ANKFN1: variants seen among roughly 807,000 people sequenced by gnomAD.
ANKFN1 encodes ankyrin repeat and fibronectin type-III domain-containing protein 1.
A neutral mutation model predicts 108.7 loss-of-function variants in ANKFN1; 74 were observed. The ratio of observed to expected loss-of-function variants is 0.68; its 90% CI spans 0.56 to 0.83. The LOEUF (loss-of-function observed/expected upper bound fraction) is 0.83, where lower values mean the gene tolerates loss of function less well. Among genes scored for constraint, ANKFN1 ranks in the 40% least tolerant of loss-of-function variants. The pLI is 0.00. For missense variants in ANKFN1, 1,505 were observed against 1,382.3 expected, an observed-to-expected ratio of 1.09 and a Z score of -1.41; for synonymous variants, 547 against 516.2, an observed-to-expected ratio of 1.06 and a Z score of -0.81.
chr17:56,455,982 A>G (rs2049679267), intron 11 of ANKFN1, among the ~76,000 whole-genome samples: 1 of 152,226 alleles, frequency 6.6e-6, no homozygotes, highest in Admixed American at 6.5e-5. Flanking sequence ...AACATACACA[A>G]TGAAGAAAAA....
chr17:56,182,005 T>G (rs79273177), intron 1 of ANKFN1, among the ~76,000 whole-genome samples: 4,214 of 152,260 alleles, frequency 0.028, 212 homozygotes, highest in African/African-American at 0.096. Context: ...GTCATTGTTT[T>G]GGGGCATCAC....
intron 4 of ANKFN1, among the ~76,000 whole-genome samples, chr17:56,134,700 T>C (rs973083800): frequency 4.6e-5 from 7 of 152,186 alleles, no homozygotes; most frequent in African/African-American, 1.4e-4. Context: ...TAAAGAATTG[T>C]AGACAGAAAA....
intron 3 of ANKFN1, among the ~76,000 whole-genome samples, chr17:56,300,146 A>G (rs2044632021): frequency 6.6e-6 from 1 of 152,172 alleles, no homozygotes; most frequent in Non-Finnish European, 1.5e-5. Flanking sequence ...CTGCCTGGGT[A>G]CAAGGAAAAC....
intron 20 of ANKFN1, among the ~76,000 whole-genome samples, chr17:56,508,487 TATA>T (rs1315784147): frequency 4.6e-5 from 7 of 152,210 alleles, no homozygotes; most frequent in African/African-American, 1.7e-4. Context: ...ATACAACTCA[TATA>T]ATATCAAAAC....
chr17:56,307,496 A>G (rs2044866534), intron 3 of ANKFN1, among the ~76,000 whole-genome samples: 1 of 152,268 alleles, frequency 6.6e-6, no homozygotes, highest in Non-Finnish European at 1.5e-5. Flanking sequence ...ATCACTGGCC[A>G]TCAGAGAAAT....
At chr17:56,321,692 C>A (rs751663647) in intron 3 of ANKFN1, among the ~76,000 whole-genome samples, 1 of 152,150 alleles carries the variant, frequency 6.6e-6, no homozygotes, top group Non-Finnish European at 1.5e-5. Flanking sequence ...CCTAATTTTG[C>A]AAGTATTCTG....
intron 13 of ANKFN1, 121 bp from the exon 14 acceptor site, chr17:56,457,742 A>G: frequency 5.3e-6 from 4 of 747,726 alleles, no homozygotes; most frequent in Non-Finnish European, 9.1e-6. Flanking sequence ...TGTGTGTCTG[A>G]AAATGGACTG....
chr17:56,311,856 A>G (rs2045037261), intron 3 of ANKFN1, among the ~76,000 whole-genome samples: 1 of 152,244 alleles, frequency 6.6e-6, no homozygotes, highest in South Asian at 2.1e-4. Flanking sequence ...AAAAAATCCA[A>G]AATCTGAAAC....
intron 20 of ANKFN1, among the ~76,000 whole-genome samples, chr17:56,503,486 C>CATATATAT (rs3052391): frequency 0.014 from 1,136 of 81,318 alleles, 49 homozygotes; most frequent in African/African-American, 0.038. Context: ...GCACAAATTT[C>CATATATAT]ATATATATAT....
intron 3 of ANKFN1, among the ~76,000 whole-genome samples, chr17:56,308,838 C>T (rs1047581137): frequency 4.6e-5 from 7 of 152,016 alleles, no homozygotes; most frequent in South Asian, 2.1e-4. Flanking sequence ...TGTGAGTTTG[C>T]GCCTTTTATC....
Position 56,477,610 on chromosome 17 carries a change from C to A in ANKFN1, c.1896C>A (p.Asn632Lys). 6.2e-7 allele frequency: 1 copy of A among 1,613,860 alleles called. No homozygotes were observed. The highest frequency in any genetic ancestry group is 8.5e-7 in the Non-Finnish European group (1 of 1,179,890). The change falls in exon 16 of 21, where the codon AAC becomes AAA. Residue 632 changes from asparagine to lysine, a missense_variant. Physicochemically the swap from Asn to Lys is moderately conservative, Grantham distance 94 (BLOSUM62 0). Transcript: ENST00000682825. Reference protein sequence around the residue: ...IKVLVTQKLPNILCHVKIREN... With the variant: ...IKVLVTQKLPKILCHVKIREN... ...TTCTTGTTACCCAAAAGTTGCCCAA[C>A]ATTCTCTGCCACGTGAAGATCCGTG...
chr17:56,167,001 TA>T (rs1910181141), intron 1 of ANKFN1, among the ~76,000 whole-genome samples: 2 of 151,946 alleles, frequency 1.3e-5, no homozygotes, highest in Admixed American at 1.3e-4. Flanking sequence ...ACCCAGCCCC[TA>T]GTGCTGTGCC....
chr17:56,220,941 AAGAC>A (rs1246418955), intron 2 of ANKFN1, among the ~76,000 whole-genome samples: 1 of 151,678 alleles, frequency 6.6e-6, no homozygotes, highest in Non-Finnish European at 1.5e-5. Flanking sequence ...GAACGAAAGA[AAGAC>A]AGACCTGAGA....
At chr17:56,144,180 A>C (rs1282841770) in intron 4 of ANKFN1, among the ~76,000 whole-genome samples, 4 of 123,956 alleles carry the variant, frequency 3.2e-5, no homozygotes, top group East Asian at 2.9e-4. Flanking sequence ...AAAAAAAAAA[A>C]AAAAACAGCC....
chr17:56,164,893 T>C (rs891320977), intron 1 of ANKFN1, among the ~76,000 whole-genome samples: 1 of 152,106 alleles, frequency 6.6e-6, no homozygotes, highest in African/African-American at 2.4e-5. Context: ...GAAGAAGAAA[T>C]GGTAGTATAC....
chr17:56,477,019 T>C (rs952405452), intron 15 of ANKFN1, among the ~76,000 whole-genome samples: 8 of 152,252 alleles, frequency 5.3e-5, no homozygotes, highest in Admixed American at 6.5e-5. Flanking sequence ...TTGGATTCTA[T>C]TTTAAATCAT....
intron 18 of ANKFN1, among the ~76,000 whole-genome samples, chr17:56,491,717 G>A (rs1598715591): frequency 6.6e-6 from 1 of 152,290 alleles, no homozygotes; most frequent in African/African-American, 2.4e-5. Context: ...TCTGAGAAAA[G>A]CATGTCTTCT....
chr17:56,326,272 G>A lies in ANKFN1; in HGVS notation c.105G>A (p.Lys35=), dbSNP rs548634916. Residue 35 remains lysine (K), a synonymous_variant, in exon 4 of 21, where the codon AAG becomes AAA. Coordinates refer to ENST00000682825, the MANE Select transcript of ANKFN1 (RefSeq NM_001370326.1). ...CACAGAGGCTGAGCCACAGGAGAAAGCAAAGCCAATGTGATTTATTGAATG... is the reference window on the plus strand; with the variant it reads ...CACAGAGGCTGAGCCACAGGAGAAAACAAAGCCAATGTGATTTATTGAATG... The part of the protein sequence containing the change: ...CFAQRLSHRR[K]QSQCDLLNES... 9 of 1,613,970 alleles carry A rather than the reference G, an allele frequency of 5.6e-6. No homozygotes were observed. In the African/African-American group the frequency reaches 8.0e-5, roughly 14 times the overall value.
At chr17:56,454,743 G>A (rs954451086) in intron 11 of ANKFN1, among the ~76,000 whole-genome samples, 4 of 152,150 alleles carry the variant, frequency 2.6e-5, no homozygotes, top group South Asian at 2.1e-4. Flanking sequence ...CCAGTGTTCT[G>A]AGAACCCAAT....
Sources: gnomAD v4.1 joint callset for allele counts (sites outside exome capture counted in the v4.1 genomes callset) on GRCh38, gnomAD v4.1.1 for gene constraint, MANE v1.5 for transcripts, NCBI Gene and HGNC (gene_info 2026-07-23, HGNC 2026-07-21) for gene names.